Variants in IQSEC1 observed in about 807,000 individuals in gnomAD.
The protein encoded by IQSEC1 is IQ motif and Sec7 domain ArfGEF 1, also known as IQ motif and SEC7 domain-containing protein 1.
A neutral mutation model predicts 91.0 loss-of-function variants in IQSEC1; 31 were observed. The ratio of observed to expected loss-of-function variants is 0.34; its 90% CI spans 0.26 to 0.46. The LOEUF (loss-of-function observed/expected upper bound fraction) is 0.46, where lower values mean the gene tolerates loss of function less well. Among genes scored for constraint, IQSEC1 ranks in the 20% least tolerant of loss-of-function variants. The pLI, the probability that IQSEC1 is intolerant of heterozygous loss-of-function variation, is 1.00. For synonymous variants in IQSEC1, 699 were observed against 662.6 expected (o/e 1.05, Z -0.84); for missense variants, 1,388 against 1,575.6 (o/e 0.88, Z 2.02).
intron 1 of IQSEC1, among the ~76,000 whole-genome samples, chr3:13,029,644 AG>A (rs1202554809): frequency 6.6e-6 from 1 of 152,206 alleles, no homozygotes; most frequent in African/African-American, 2.4e-5. Flanking sequence ...GTCCAGGTCA[AG>A]GGGGGCCAAA....
intron 3 of IQSEC1, among the ~76,000 whole-genome samples, chr3:12,925,393 C>T (rs920639218): frequency 2.0e-5 from 3 of 152,336 alleles, no homozygotes; most frequent in East Asian, 1.9e-4. Flanking sequence ...TGGTTACCTG[C>T]GGTGCTCAGG....
chr3:13,102,456 G>A (rs1189653143), intron 2 of IQSEC1, among the ~76,000 whole-genome samples: 1 of 152,076 alleles, frequency 6.6e-6, no homozygotes, highest in Non-Finnish European at 1.5e-5. Flanking sequence ...CCTCACCCGT[G>A]TGGTTTGGGC....
chr3:13,169,395 T>C (rs914345870), intron 1 of IQSEC1, among the ~76,000 whole-genome samples: 15 of 152,232 alleles, frequency 9.9e-5, no homozygotes, highest in Non-Finnish European at 2.2e-4. Context: ...GTCTCAGATA[T>C]GTCTTTATCA....
intron 1 of IQSEC1, among the ~76,000 whole-genome samples, chr3:13,020,091 A>T (rs1703331875): frequency 6.6e-6 from 1 of 152,200 alleles, no homozygotes; most frequent in Non-Finnish European, 1.5e-5. Context: ...TGAGGTTTCC[A>T]AAGTGCCAAT....
At chr3:12,966,490 C>G (rs1700577617) in intron 1 of IQSEC1, among the ~76,000 whole-genome samples, 1 of 152,200 alleles carries the variant, frequency 6.6e-6, no homozygotes, top group South Asian at 2.1e-4. Flanking sequence ...CAGGGGGCAG[C>G]TGTGCTGGCC....
Position 12,899,538 on chromosome 3 carries a change from C to T in IQSEC1, c.*1445G>A. 2.6e-6 allele frequency: 4 copies of T among 1,523,882 alleles called. No individual in the cohort carries two copies. The East Asian group carries it at 7.4e-5, about 28-fold the overall frequency. The allele number at this position is 1,523,882 out of a possible 1,614,324, so 94.4% of individuals were successfully genotyped here. A position where few individuals can be genotyped will look rare whatever the true frequency, so the allele number is the denominator to read the frequency against. ...CCACAACACAGAAGCGACAAGAGCACAGCTGAGAGTCATGTGATGCCCTGG... is the reference window on the plus strand; with the variant it reads ...CCACAACACAGAAGCGACAAGAGCATAGCTGAGAGTCATGTGATGCCCTGG... On this transcript the variant is annotated 3_prime_UTR_variant, in exon 14 of 14. Transcript: ENST00000613206.
intron 2 of IQSEC1, among the ~76,000 whole-genome samples, chr3:13,157,954 A>T (rs1707110169): frequency 6.6e-6 from 1 of 152,244 alleles, no homozygotes; most frequent in Non-Finnish European, 1.5e-5. Flanking sequence ...CTTAGTAGTT[A>T]GCACAAAGAC....
chr3:12,956,048 T>G (rs1380565291), intron 1 of IQSEC1, among the ~76,000 whole-genome samples: 1 of 152,212 alleles, frequency 6.6e-6, no homozygotes, highest in African/African-American at 2.4e-5. Flanking sequence ...GGACTCATCT[T>G]GGGGACCTGA....
At chr3:13,128,003 G>A (rs896875498) in intron 2 of IQSEC1, among the ~76,000 whole-genome samples, 5 of 152,178 alleles carry the variant, frequency 3.3e-5, no homozygotes, top group South Asian at 2.1e-4. Context: ...CTGTGTGTGT[G>A]TGCTGATCAC....
chr3:13,031,288 A>G (rs758799668), intron 1 of IQSEC1, among the ~76,000 whole-genome samples: 12 of 152,246 alleles, frequency 7.9e-5, no homozygotes, highest in Non-Finnish European at 1.3e-4. Context: ...AATGGTGGTG[A>G]CAAGCCTGGG....
chr3:13,027,272 T>C (rs562119591), intron 1 of IQSEC1, among the ~76,000 whole-genome samples: 2 of 152,322 alleles, frequency 1.3e-5, no homozygotes, highest in East Asian at 1.9e-4. Context: ...TCCACCATCT[T>C]GTCTCGGGCC....
intron 2 of IQSEC1, among the ~76,000 whole-genome samples, chr3:13,097,586 T>C (rs1367150591): frequency 6.6e-6 from 1 of 152,112 alleles, no homozygotes; most frequent in Admixed American, 6.5e-5. Context: ...AGCCCCCACC[T>C]CCCAACTCCC....
chr3:13,070,240 A>G (rs1705370642), intron 1 of IQSEC1, among the ~76,000 whole-genome samples: 1 of 152,248 alleles, frequency 6.6e-6, no homozygotes, highest in Non-Finnish European at 1.5e-5. Context: ...GTACGGCAGG[A>G]AACAGCTGTG....
chr3:13,024,684 A>G (rs1376840892), intron 1 of IQSEC1, among the ~76,000 whole-genome samples: 1 of 131,154 alleles, frequency 7.6e-6, no homozygotes, highest in Non-Finnish European at 1.6e-5. Context: ...CCACCCATCT[A>G]TCCATCCATC....
rs1005887028 is a variant in IQSEC1 at position 13,107,687 on chromosome 3, C to T, written c.302+56417G>A. Among the ~76,000 whole-genome samples the T allele has an allele frequency of 2.0e-5, 3 of 152,218 alleles. No homozygotes were observed. The South Asian group carries it at 6.2e-4, about 32-fold the overall frequency. ...GGTCTATAACCTCTTCCCAGTGGGC[C>T]CCATTTCCCTAGGCCCGAGACCCTG... On this transcript the variant is annotated intron_variant, in intron 2 of 15. Coordinates refer to the IQSEC1 transcript ENST00000648114.
At chr3:12,962,463 TGAG>T (rs1254614335) in intron 1 of IQSEC1, among the ~76,000 whole-genome samples, 2 of 152,210 alleles carry the variant, frequency 1.3e-5, no homozygotes, top group East Asian at 1.9e-4. Flanking sequence ...TTTGTGTGAA[TGAG>T]GAGGACTCCT....
chr3:13,280,288 T>A (rs189687415), intron 1 of IQSEC1, among the ~76,000 whole-genome samples: 22 of 152,310 alleles, frequency 1.4e-4, no homozygotes, highest in African/African-American at 4.8e-4. Context: ...ACATTGATAA[T>A]GAGTCTGCAT....
At chr3:13,186,470 G>T (rs1043440107) in intron 1 of IQSEC1, among the ~76,000 whole-genome samples, 4 of 152,200 alleles carry the variant, frequency 2.6e-5, no homozygotes, top group Non-Finnish European at 4.4e-5. Context: ...AGTGGGAAAA[G>T]CTGGGGAATT....
intron 1 of IQSEC1, among the ~76,000 whole-genome samples, chr3:13,229,698 A>G (rs1318034273): frequency 6.6e-6 from 1 of 152,146 alleles, no homozygotes; most frequent in Non-Finnish European, 1.5e-5. Context: ...ACTTGTTCCT[A>G]CACTGGAGCC....
Sources: allele counts gnomAD v4.1 joint callset (sites outside exome capture counted in the v4.1 genomes callset), GRCh38; gene constraint gnomAD v4.1.1; transcripts MANE v1.5; gene names NCBI Gene and HGNC (gene_info 2026-07-23, HGNC 2026-07-21).